DPP10: variants seen among roughly 807,000 people sequenced by gnomAD.
DPP10 encodes the protein dipeptidyl peptidase like 10.
DPP10 carries 33 observed loss-of-function variants against 120.9 expected under a neutral mutation model. The observed-to-expected ratio is 0.27, with a 90% CI of 0.21 to 0.37. The LOEUF (loss-of-function observed/expected upper bound fraction) is 0.37, where lower values mean the gene tolerates loss of function less well. DPP10 is among the 10% of genes least tolerant of loss of function. DPP10 has a pLI of 1.00. For missense variants in DPP10, 816 were observed against 942.8 expected (o/e 0.87, Z 1.76); for synonymous variants, 337 against 326.1 (o/e 1.03, Z -0.36).
At chr2:115,553,361 T>G (rs1218948876) in intron 5 of DPP10, among the ~76,000 whole-genome samples, 1 of 144,000 alleles carries the variant, frequency 6.9e-6, no homozygotes, top group Non-Finnish European at 1.5e-5. Context: ...CAATGTAAAT[T>G]AGATTCATAA....
At chr2:114,756,712 A>G (rs1679782216) in intron 1 of DPP10, among the ~76,000 whole-genome samples, 1 of 152,136 alleles carries the variant, frequency 6.6e-6, no homozygotes, top group Non-Finnish European at 1.5e-5. Context: ...CCTCATCCTC[A>G]TAGGACCTCA....
At chr2:114,798,549 G>A (rs560219127) in intron 1 of DPP10, among the ~76,000 whole-genome samples, 1 of 152,244 alleles carries the variant, frequency 6.6e-6, no homozygotes, top group Admixed American at 6.5e-5. Flanking sequence ...CTCAGGCACT[G>A]AAGGCTGCAC....
chr2:114,582,579 G>T (rs900049427), intron 1 of DPP10, among the ~76,000 whole-genome samples: 61 of 152,326 alleles, frequency 4.0e-4, no homozygotes, highest in African/African-American at 1.4e-3. Context: ...AACTCCTGTT[G>T]TTCAACATCT....
intron 7 of DPP10, among the ~76,000 whole-genome samples, chr2:115,716,971 A>G (rs1487466549): frequency 6.6e-6 from 1 of 152,250 alleles, no homozygotes; most frequent in Admixed American, 6.5e-5. Context: ...AATCTGTTAT[A>G]AGAATTTTGG....
intron 1 of DPP10, among the ~76,000 whole-genome samples, chr2:114,525,845 A>G (rs1489177728): frequency 6.6e-6 from 1 of 152,206 alleles, no homozygotes; most frequent in Non-Finnish European, 1.5e-5. Flanking sequence ...TAGTCTTTCT[A>G]GAACTCTTTA....
At chr2:114,920,144 G>T (rs1486909680) in intron 1 of DPP10, among the ~76,000 whole-genome samples, 1 of 152,184 alleles carries the variant, frequency 6.6e-6, no homozygotes, top group Non-Finnish European at 1.5e-5. Context: ...TTCGGGAGGG[G>T]TGGAGAGGAT....
chr2:115,431,732 T>A (rs1343761236), intron 3 of DPP10, among the ~76,000 whole-genome samples: 2 of 152,104 alleles, frequency 1.3e-5, no homozygotes, highest in African/African-American at 2.4e-5. Context: ...TTGCCCCGAA[T>A]GCACACCCTT....
At chr2:115,510,232 A>T (rs1305280929) in intron 4 of DPP10, among the ~76,000 whole-genome samples, 1 of 152,080 alleles carries the variant, frequency 6.6e-6, no homozygotes, top group African/African-American at 2.4e-5. Flanking sequence ...AGTTTTCTAT[A>T]CATTGTTAAT....
At chr2:115,058,002 C>T (rs1706068403) in intron 1 of DPP10, among the ~76,000 whole-genome samples, 1 of 151,008 alleles carries the variant, frequency 6.6e-6, no homozygotes. Context: ...ACTAAGAATG[C>T]TTTGAGGGTT....
chr2:115,515,747 A>C (rs2077470750), intron 4 of DPP10, among the ~76,000 whole-genome samples: 1 of 152,130 alleles, frequency 6.6e-6, no homozygotes, highest in African/African-American at 2.4e-5. Flanking sequence ...CAATGGGAAC[A>C]GTTGTGAGTA....
At chr2:115,309,870 C>A (rs1011554080) in intron 2 of DPP10, among the ~76,000 whole-genome samples, 2 of 151,954 alleles carry the variant, frequency 1.3e-5, no homozygotes, top group Admixed American at 6.6e-5. Flanking sequence ...AAGTTTCTAC[C>A]CTATCTAAAG....
At chr2:115,258,600 G>A (rs1237973146) in intron 1 of DPP10, among the ~76,000 whole-genome samples, 1 of 152,130 alleles carries the variant, frequency 6.6e-6, no homozygotes, top group African/African-American at 2.4e-5. Context: ...CATGTTAAAT[G>A]AGAAAAAGCA....
intron 1 of DPP10, among the ~76,000 whole-genome samples, chr2:114,473,703 A>C (rs564760082): frequency 1.2e-3 from 182 of 152,346 alleles, no homozygotes; most frequent in African/African-American, 4.3e-3. Context: ...CGTGCAATAG[A>C]TACAATGTAA....
chr2:115,166,266 C>A (rs1312082498), intron 1 of DPP10, among the ~76,000 whole-genome samples: 2 of 151,674 alleles, frequency 1.3e-5, no homozygotes, highest in Non-Finnish European at 2.9e-5. Context: ...TAAAACACAA[C>A]CATGAAAAGA....
At chr2:114,874,604 A>G (rs1202351556) in intron 1 of DPP10, among the ~76,000 whole-genome samples, 4 of 151,994 alleles carry the variant, frequency 2.6e-5, no homozygotes, top group Admixed American at 1.3e-4. Context: ...TTATATATTT[A>G]TTTCATTATT....
chr2:114,473,574 T>C lies in DPP10; in HGVS notation c.60+30736T>C, dbSNP rs141249469. Among the ~76,000 whole-genome samples, 4 of 152,276 alleles carry C rather than the reference T, an allele frequency of 2.6e-5. No homozygotes were observed. The East Asian group carries it at 7.7e-4, about 29-fold the overall frequency. ...AGATGTAGATGTAGGTTAAAGTGAGTTCATCACAGGCAATCGAAGATGTAG... is the reference window on the plus strand; with the variant it reads ...AGATGTAGATGTAGGTTAAAGTGAGCTCATCACAGGCAATCGAAGATGTAG... On this transcript the variant is annotated intron_variant, in intron 1 of 25. Transcript: ENST00000410059.
intron 3 of DPP10, among the ~76,000 whole-genome samples, chr2:115,370,894 C>T (rs1337040805): frequency 1.3e-5 from 2 of 152,004 alleles, no homozygotes; most frequent in East Asian, 1.9e-4. Context: ...CAGAGAATCA[C>T]TGAGATAAAC....
intron 1 of DPP10, among the ~76,000 whole-genome samples, chr2:114,520,405 C>T (rs1267335679): frequency 1.3e-5 from 2 of 152,182 alleles, no homozygotes; most frequent in East Asian, 1.9e-4. Context: ...AAGGATATTG[C>T]TTAAAGGCAA....
intron 3 of DPP10, among the ~76,000 whole-genome samples, chr2:115,380,462 G>A (rs189937324): frequency 1.3e-5 from 2 of 152,102 alleles, no homozygotes; most frequent in East Asian, 3.9e-4. Flanking sequence ...ATGTGAGATG[G>A]GTTTCCTGAA....
Sources: gnomAD v4.1 joint callset for allele counts (sites outside exome capture counted in the v4.1 genomes callset) on GRCh38, gnomAD v4.1.1 for gene constraint, MANE v1.5 for transcripts, NCBI Gene and HGNC (gene_info 2026-07-23, HGNC 2026-07-21) for gene names.